WNT7B: variants seen among roughly 807,000 people sequenced by gnomAD.
WNT7B encodes the protein Wnt family member 7B.
A neutral mutation model predicts 38.2 loss-of-function variants in WNT7B; 19 were observed. The observed-to-expected ratio is 0.50, with a 90% CI of 0.35 to 0.73. The LOEUF is 0.73. Among genes scored for constraint, WNT7B ranks in the 30% least tolerant of loss-of-function variants. WNT7B has a pLI of 0.01. For synonymous variants in WNT7B, 243 were observed against 209.3 expected (o/e 1.16, Z -1.39); for missense variants, 423 against 507.9 (o/e 0.83, Z 1.61).
At chr22:45,929,169 TCTC>T (rs956981812) in intron 3 of WNT7B, among the ~76,000 whole-genome samples, 6 of 152,040 alleles carry the variant, frequency 3.9e-5, no homozygotes, top group South Asian at 2.1e-4. Context: ...TTCTCCTCTT[TCTC>T]CTCCTCCTCC....
chr22:45,946,933 C>T lies in WNT7B; in HGVS notation c.298+2987G>A, dbSNP rs868355854. On this transcript the variant is annotated intron_variant, in intron 2 of 3. Transcript: ENST00000339464. ...AAAGGGGCTGTCCCACCCACACAGG[C>T]CAAGCCCCTTCTCAGGGCCAATCAT... Among the ~76,000 whole-genome samples the T allele has an allele frequency of 1.1e-3, 175 of 152,374 alleles. 2 individuals are homozygous for T. Among genetic ancestry groups the T allele is most frequent in the African/African-American group, 4.0e-3 (168 of 41,592 alleles).
At chr22:45,933,870 G>A (rs1931442922) in intron 2 of WNT7B, among the ~76,000 whole-genome samples, 1 of 152,198 alleles carries the variant, frequency 6.6e-6, no homozygotes, top group South Asian at 2.1e-4. Context: ...AGAGGAGGGG[G>A]AGAATGTCTC....
intron 3 of WNT7B, among the ~76,000 whole-genome samples, chr22:45,928,799 T>A (rs1316059519): frequency 1.3e-5 from 2 of 152,220 alleles, no homozygotes; most frequent in Non-Finnish European, 2.9e-5. Context: ...CAATGGCACC[T>A]GTAGCCCAGA....
rs1475750487 is a variant in WNT7B at position 45,940,146 on chromosome 22, G to A, written c.299-8777C>T. 2.6e-5 allele frequency among the ~76,000 whole-genome samples: 4 copies of A among 152,244 alleles called. No individual in the cohort carries two copies. In the East Asian group the frequency reaches 7.7e-4, roughly 29 times the overall value. On this transcript the variant is annotated intron_variant, in intron 2 of 3. Coordinates refer to ENST00000339464, the MANE Select transcript of WNT7B (RefSeq NM_058238.3). The stretch of plus-strand genomic sequence containing the variant: ...GATTAGATCTCACTGAAGCTGTGAT[G>A]GACACATAGGGCCAATGGATGGCTT...
chr22:45,955,364 T>C (rs940492800), intron 1 of WNT7B, among the ~76,000 whole-genome samples: 1 of 152,186 alleles, frequency 6.6e-6, no homozygotes, highest in Non-Finnish European at 1.5e-5. Flanking sequence ...CCAACTATTT[T>C]TATAGCCAGT....
chr22:45,974,489 C>A (rs1429779143), intron 1 of WNT7B, among the ~76,000 whole-genome samples: 1 of 152,232 alleles, frequency 6.6e-6, no homozygotes, highest in East Asian at 1.9e-4. Context: ...GGGATTGGCT[C>A]TCCTTCCCTT....
chr22:45,930,298 A>G (rs148819062), intron 3 of WNT7B, among the ~76,000 whole-genome samples: 1 of 152,208 alleles, frequency 6.6e-6, no homozygotes, highest in Non-Finnish European at 1.5e-5. Context: ...GGCCCGAGGG[A>G]TTCTTCAGCT....
chr22:45,971,965 CCCG>C (rs1321698771), intron 1 of WNT7B, among the ~76,000 whole-genome samples: 4 of 152,316 alleles, frequency 2.6e-5, no homozygotes, highest in African/African-American at 2.4e-5. Context: ...GCCGTAGCTG[CCCG>C]CCAAGTGCTC....
intron 3 of WNT7B, chr22:45,925,818 C>T (rs548401522): frequency 1.0e-6 from 1 of 985,330 alleles, no homozygotes; most frequent in East Asian, 1.1e-4. Flanking sequence ...GCTGCTCACC[C>T]TCCTCAGATG....
intron 1 of WNT7B, among the ~76,000 whole-genome samples, chr22:45,968,678 C>T (rs912094105): frequency 1.3e-5 from 2 of 152,194 alleles, no homozygotes; most frequent in Non-Finnish European, 2.9e-5. Context: ...TGTTGGGTCT[C>T]GTCCACCTGG....
chr22:45,923,071 C>G lies in WNT7B; in HGVS notation c.835G>C (p.Glu279Gln). ...ACGCTGCCCGTGGCCGCGTCCTCCTCGCAGTAGTTGGGCGACTTCTCAATG... is the reference window on the plus strand; with the variant it reads ...ACGCTGCCCGTGGCCGCGTCCTCCTGGCAGTAGTTGGGCGACTTCTCAATG... Reference protein sequence around the residue: ...VYIEKSPNYCEEDAATGSVGT... With the variant: ...VYIEKSPNYCQEDAATGSVGT... The change falls in exon 4 of 4, where the codon GAG becomes CAG. Residue 279 changes from glutamate to glutamine, a missense_variant. Physicochemically the swap from Glu to Gln is conservative, Grantham distance 29. Transcript: ENST00000339464. 1 of 1,613,336 alleles carries G rather than the reference C, an allele frequency of 6.2e-7. No individual in the cohort carries two copies. Among genetic ancestry groups the G allele is most frequent in the Non-Finnish European group, 8.5e-7 (1 of 1,179,764 alleles).
chr22:45,974,301 T>C (rs958839533), intron 1 of WNT7B, among the ~76,000 whole-genome samples: 4 of 152,128 alleles, frequency 2.6e-5, no homozygotes, highest in Non-Finnish European at 5.9e-5. Context: ...AGACAGCCCA[T>C]TGGTCCCAGA....
intron 1 of WNT7B, among the ~76,000 whole-genome samples, chr22:45,972,993 C>T (rs909746588): frequency 2.0e-5 from 3 of 152,248 alleles, no homozygotes. Flanking sequence ...GGCTGTGGGT[C>T]GCACACAGGC....
At chr22:45,961,158 G>A (rs565833009) in intron 1 of WNT7B, among the ~76,000 whole-genome samples, 1 of 152,376 alleles carries the variant, frequency 6.6e-6, no homozygotes, top group South Asian at 2.1e-4. Context: ...GCGCGCCGGT[G>A]AGAAGGAACC....
At chr22:45,959,171 C>A (rs1234937119) in intron 1 of WNT7B, among the ~76,000 whole-genome samples, 2 of 152,204 alleles carry the variant, frequency 1.3e-5, no homozygotes, top group Admixed American at 6.5e-5. Flanking sequence ...CCGACAGAGG[C>A]CCCGCCTGTG....
At chr22:45,931,061 C>G in intron 3 of WNT7B, 37 bp downstream of exon 3, 1 of 1,529,688 alleles carries the variant, frequency 6.5e-7, no homozygotes, top group Non-Finnish European at 8.8e-7. Context: ...TACAGCGGTC[C>G]CAGCTACGGC....
chr22:45,934,255 C>T (rs183480871), intron 2 of WNT7B, among the ~76,000 whole-genome samples: 1 of 152,280 alleles, frequency 6.6e-6, no homozygotes, highest in Non-Finnish European at 1.5e-5. Flanking sequence ...TCCTTCTGCC[C>T]CCAGCTTGGC....
intron 2 of WNT7B, among the ~76,000 whole-genome samples, chr22:45,943,505 G>A (rs371694461): frequency 6.6e-6 from 1 of 152,214 alleles, no homozygotes; most frequent in East Asian, 1.9e-4. Context: ...GGCCCCTCCT[G>A]TGTCCAGCCC....
In WNT7B at chr22:45,929,965, T is replaced by TACCCACCCATGC. The variant is rs1233907677; in HGVS notation, c.570+1132_570+1133insGCATGGGTGGGT. Among the ~76,000 whole-genome samples, 17 of 148,472 alleles carry TACCCACCCATGC rather than the reference T, an allele frequency of 1.1e-4. 1 individual carries two copies. The highest frequency in any genetic ancestry group is 7.3e-4 in the Admixed American group (11 of 15,100). On this transcript the variant is annotated intron_variant, in intron 3 of 3. Transcript: ENST00000339464. Reference sequence around the variant, plus strand: ...CCTTCCATCCATCCACTCATACATCTATCCATCCATCCAACAATAACTTAA... The same window carrying TACCCACCCATGC: ...CCTTCCATCCATCCACTCATACATCTACCCACCCATGCATCCATCCATCCAACAATAACTTAA...
Sources: gnomAD v4.1 joint callset for allele counts (sites outside exome capture counted in the v4.1 genomes callset) on GRCh38, gnomAD v4.1.1 for gene constraint, MANE v1.5 for transcripts, NCBI Gene and HGNC (gene_info 2026-07-23, HGNC 2026-07-21) for gene names.